Variants in ERICH3 observed in about 807,000 individuals in gnomAD.
ERICH3 encodes glutamate-rich protein 3.
In ERICH3, 126 loss-of-function variants were observed where a neutral mutation model predicts 131.1. The ratio of observed to expected loss-of-function variants is 0.96; its 90% CI spans 0.83 to 1.11. The LOEUF is 1.11. Ranked by LOEUF, ERICH3 falls within the 50% of genes most tolerant of loss-of-function variation. ERICH3 has a pLI of 0.00. For missense variants in ERICH3, 2,050 were observed against 1,810.7 expected, an observed-to-expected ratio of 1.13 and a Z score of -2.40; for synonymous variants, 695 against 644.6, an observed-to-expected ratio of 1.08 and a Z score of -1.18.
At chr1:74,646,324 G>T (rs1024021147) in intron 3 of ERICH3, among the ~76,000 whole-genome samples, 18 of 152,012 alleles carry the variant, frequency 1.2e-4, no homozygotes, top group Non-Finnish European at 2.2e-4. Flanking sequence ...GTGAGGGCTG[G>T]TATGTTTTAG....
chr1:74,666,240 A>G (rs888133162), intron 1 of ERICH3, among the ~76,000 whole-genome samples: 1 of 152,160 alleles, frequency 6.6e-6, no homozygotes, highest in Admixed American at 6.5e-5. Context: ...TTAACCATAC[A>G]AAAGAGACAA....
Position 74,654,879 on chromosome 1 carries a change from C to T in ERICH3, c.24-5564G>A, listed in dbSNP as rs112779301. 7.3e-3 allele frequency among the ~76,000 whole-genome samples: 1,109 copies of T among 152,234 alleles called. 9 individuals are homozygous for T. The highest frequency in any genetic ancestry group is 0.013 in the African/African-American group (537 of 41,538). ...ATATGTAACGAATCATAGTGAAGAG[C>T]ACTCATCAGGTCTTGCTAATGTGAG... On this transcript the variant is annotated intron_variant, in intron 1 of 14. Coordinates refer to ENST00000326665, the MANE Select transcript of ERICH3 (RefSeq NM_001002912.5).
intron 9 of ERICH3, among the ~76,000 whole-genome samples, chr1:74,612,017 A>C (rs990053409): frequency 6.6e-6 from 1 of 152,212 alleles, no homozygotes; most frequent in African/African-American, 2.4e-5. Context: ...TACTTTTAGA[A>C]AATATGAAAG....
chr1:74,611,078 C>T (rs1351084703), intron 9 of ERICH3, among the ~76,000 whole-genome samples: 1 of 152,094 alleles, frequency 6.6e-6, no homozygotes, highest in Non-Finnish European at 1.5e-5. Flanking sequence ...TACATGTCAT[C>T]TATATGCAAA....
At chr1:74,672,890 A>T (rs1646754744) in intron 1 of ERICH3, among the ~76,000 whole-genome samples, 1 of 152,184 alleles carries the variant, frequency 6.6e-6, no homozygotes, top group Non-Finnish European at 1.5e-5. Context: ...ACTGAAGATC[A>T]TGAGTAAATA....
chr1:74,587,324 CAAAAAAAA>C (rs11330631), intron 12 of ERICH3, among the ~76,000 whole-genome samples: 5 of 56,286 alleles, frequency 8.9e-5, no homozygotes, highest in African/African-American at 2.4e-4. Context: ...GACTCCATCT[CAAAAAAAA>C]AAAAAAAAAA....
Position 74,571,315 on chromosome 1 carries a change from C to T in ERICH3, c.4395G>A (p.Arg1465=). 1 of 1,614,044 alleles carries T rather than the reference C, an allele frequency of 6.2e-7. No homozygotes were observed. Among genetic ancestry groups the T allele is most frequent in the Non-Finnish European group, 8.5e-7 (1 of 1,179,996 alleles). Residue 1465 remains arginine, a synonymous_variant, in exon 14 of 15, where the codon AGG becomes AGA. Coordinates refer to ENST00000326665, the MANE Select transcript of ERICH3 (RefSeq NM_001002912.5). ...ATTTTTCAGCTGCTCCTGTCTCCTG[C>T]CTCCCATCGCCACTCCCAGTGGCTG... The part of the protein sequence containing the change: ...QEAATGSGDG[R]QETGAAEKFR...
chr1:74,593,107 T>C (rs1647684707), intron 11 of ERICH3, among the ~76,000 whole-genome samples: 1 of 152,120 alleles, frequency 6.6e-6, no homozygotes, highest in Admixed American at 6.6e-5. Flanking sequence ...CTTTTGCTTG[T>C]TTTGGCAAAG....
chr1:74,627,265 G>C (rs1649449501), intron 7 of ERICH3, among the ~76,000 whole-genome samples: 1 of 152,098 alleles, frequency 6.6e-6, no homozygotes, highest in African/African-American at 2.4e-5. Context: ...GAAGCCTATA[G>C]GGATGGGTAG....
At position 74,584,265 on chromosome 1, in the gene ERICH3, C is replaced by A. The variant is rs76366391; in HGVS notation, c.2176+5366G>T. Reference sequence around the variant, plus strand: ...GTTGCAGAGAATGCTAAAGTTTAGCCTCCATATAGTAGCCAGAATAATCTT... The same window carrying A: ...GTTGCAGAGAATGCTAAAGTTTAGCATCCATATAGTAGCCAGAATAATCTT... On this transcript the variant is annotated intron_variant, in intron 12 of 14. Transcript: ENST00000326665. Among the ~76,000 whole-genome samples, 800 of 152,304 alleles carry A rather than the reference C, an allele frequency of 5.3e-3. 9 individuals are homozygous for A. The highest frequency in any genetic ancestry group is 0.018 in the African/African-American group (768 of 41,560).
chr1:74,594,629 G>T (rs696694), intron 11 of ERICH3, among the ~76,000 whole-genome samples: 36,559 of 151,874 alleles, frequency 0.24, 6,018 homozygotes, highest in African/African-American at 0.46. Flanking sequence ...ATCCACCTCC[G>T]TTCGCATGAG....
rs192087317 is a variant in ERICH3 at position 74,665,184 on chromosome 1, G to A, written c.23+8313C>T. On this transcript the variant is annotated intron_variant, in intron 1 of 14. Transcript: ENST00000326665. ...CCCAGCAAGAAGATGGCCATCTGCA[G>A]CCTGGGCGACAGAGCAAGACTCCGT... is the stretch of plus-strand genomic sequence containing the variant. 1.2e-3 allele frequency among the ~76,000 whole-genome samples: 177 copies of A among 150,826 alleles called. 1 individual carries two copies. The highest frequency in any genetic ancestry group is 2.2e-4 in the Non-Finnish European group (15 of 67,910).
At chr1:74,664,716 T>G (rs1415852327) in intron 1 of ERICH3, among the ~76,000 whole-genome samples, 1 of 152,196 alleles carries the variant, frequency 6.6e-6, no homozygotes, top group Non-Finnish European at 1.5e-5. Flanking sequence ...ATGACTATTA[T>G]AGAAAAATAA....
intron 11 of ERICH3, among the ~76,000 whole-genome samples, chr1:74,595,702 T>C (rs899545139): frequency 3.3e-5 from 5 of 152,104 alleles, no homozygotes; most frequent in Non-Finnish European, 4.4e-5. Context: ...CAAGGCAGAT[T>C]CAAACTGTAG....
At chr1:74,650,421 A>G (rs1646522505) in intron 1 of ERICH3, among the ~76,000 whole-genome samples, 1 of 152,184 alleles carries the variant, frequency 6.6e-6, no homozygotes, top group African/African-American at 2.4e-5. Context: ...ATATGTATGT[A>G]TACATGGTGC....
chr1:74,666,058 CA>C (rs1369335952), intron 1 of ERICH3, among the ~76,000 whole-genome samples: 1 of 151,868 alleles, frequency 6.6e-6, no homozygotes, highest in Non-Finnish European at 1.5e-5. Context: ...TGATGACCAT[CA>C]AAAAAGGGCA....
intron 8 of ERICH3, among the ~76,000 whole-genome samples, chr1:74,615,902 C>T (rs1035907181): frequency 1.3e-5 from 2 of 152,044 alleles, no homozygotes; most frequent in Non-Finnish European, 2.9e-5. Context: ...TGTGGTATGA[C>T]CAGTAATAAG....
In ERICH3 at chr1:74,571,135, G is replaced by A. The variant is rs1165241694; in HGVS notation, c.4575C>T (p.Pro1525=). ...QGESETADVS[P]NNVQV ...AAGTCTCCTAGACCTGCACGTTGTT[G>A]GGGGAAACATCTGCAGTCTCGCTTT... Residue 1525 remains proline (P), a synonymous_variant, in exon 14 of 15, where the codon CCC becomes CCT. Transcript: ENST00000326665. The A allele has an allele frequency of 1.9e-6, 3 of 1,613,212 alleles. No individual in the cohort carries two copies. The South Asian group carries it at 3.3e-5, about 18-fold the overall frequency.
At chr1:74,583,948 T>C (rs1459417106) in intron 12 of ERICH3, among the ~76,000 whole-genome samples, 1 of 152,174 alleles carries the variant, frequency 6.6e-6, no homozygotes, top group Non-Finnish European at 1.5e-5. Flanking sequence ...GAAGAGGGTT[T>C]TGTCAAGAAT....
Sources: gnomAD v4.1 joint callset for allele counts (sites outside exome capture counted in the v4.1 genomes callset) on GRCh38, gnomAD v4.1.1 for gene constraint, MANE v1.5 for transcripts, NCBI Gene and HGNC (gene_info 2026-07-23, HGNC 2026-07-21) for gene names.